HECW1: variants seen among roughly 807,000 people sequenced by gnomAD.
HECW1 encodes E3 ubiquitin-protein ligase HECW1.
In HECW1, 61 loss-of-function variants were observed where a neutral mutation model predicts 182.3. The observed-to-expected ratio is 0.33, with a 90% confidence interval of 0.27 to 0.41. HECW1 has a LOEUF of 0.41. HECW1 is among the 10% of genes least tolerant of loss of function. HECW1 has a pLI of 1.00. For missense variants in HECW1, 1,739 were observed against 2,108.9 expected, an observed-to-expected ratio of 0.82 and a Z score of 3.44; for synonymous variants, 859 against 832.6, an observed-to-expected ratio of 1.03 and a Z score of -0.55.
At chr7:43,328,456 T>C (rs567754672) in intron 5 of HECW1, among the ~76,000 whole-genome samples, 3 of 152,328 alleles carry the variant, frequency 2.0e-5, no homozygotes, top group African/African-American at 7.2e-5. Context: ...CGGTTGCTGC[T>C]GGTCCCTGTC....
Position 43,336,144 on chromosome 7 carries a change from TTCTCTCTCTCTCTCTCTCTC to T in HECW1, c.460+15438_460+15457del, listed in dbSNP as rs768468130. Among the ~76,000 whole-genome samples, 69 of 51,946 alleles carry T rather than the reference TTCTCTCTCTCTCTCTCTCTC, an allele frequency of 1.3e-3. 1 individual carries two copies. Among genetic ancestry groups the T allele is most frequent in the African/African-American group, 4.5e-3 (63 of 14,060 alleles). 34.1% of individuals were successfully genotyped at this position (51,946 alleles called of 152,430 possible). A position where few individuals can be genotyped will look rare whatever the true frequency, so the allele number is the denominator to read the frequency against. On this transcript the variant is annotated intron_variant, in intron 5 of 29. Transcript: ENST00000395891. ...TTTCTTTCTCTCTCTCTCTCTCTCT[TTCTCTCTCTCTCTCTCTCTC>T]TCTCTCTCTCTCTCTCTCTCTCTCT...
chr7:43,230,488 T>G (rs1797786311), intron 2 of HECW1, among the ~76,000 whole-genome samples: 1 of 152,204 alleles, frequency 6.6e-6, no homozygotes, highest in Non-Finnish European at 1.5e-5. Context: ...GATTTTTCTT[T>G]TTCACAAAGG....
rs1182403488 is a variant in HECW1, at chr7:43,565,639, A to G, written c.*3713A>G. ...TCATTATTAAAACTACCGCAATACTATATCATAAAAATCTGGGATGGATGT... is the reference window on the plus strand; with the variant it reads ...TCATTATTAAAACTACCGCAATACTGTATCATAAAAATCTGGGATGGATGT... On this transcript the variant is annotated 3_prime_UTR_variant, in exon 30 of 30. Transcript: ENST00000395891. The G allele has an allele frequency of 5.6e-6, 1 of 177,532 alleles. No homozygotes were observed. The highest frequency in any genetic ancestry group is 1.2e-5 in the Non-Finnish European group (1 of 82,982). 11.0% of individuals were successfully genotyped at this position (177,532 alleles called of 1,614,324 possible).
At chr7:43,360,200 C>T (rs1197734496) in intron 5 of HECW1, among the ~76,000 whole-genome samples, 1 of 150,054 alleles carries the variant, frequency 6.7e-6, no homozygotes, top group Non-Finnish European at 1.5e-5. Flanking sequence ...TCTGCTTAAC[C>T]ATTTATAGAA....
intron 26 of HECW1, among the ~76,000 whole-genome samples, chr7:43,547,494 C>T (rs9639879): frequency 0.19 from 29,290 of 151,748 alleles, 3,155 homozygotes; most frequent in Non-Finnish European, 0.25. Context: ...TTGCAGCAAG[C>T]CAGGATTGCG....
chr7:43,378,996 G>C (rs145661184), intron 6 of HECW1, among the ~76,000 whole-genome samples: 1 of 152,076 alleles, frequency 6.6e-6, no homozygotes, highest in South Asian at 2.1e-4. Context: ...ATGGGGGGGC[G>C]GTGTGCCCTT....
chr7:43,123,927 T>C (rs1785904832), intron 2 of HECW1, among the ~76,000 whole-genome samples: 1 of 152,236 alleles, frequency 6.6e-6, no homozygotes, highest in African/African-American at 2.4e-5. Flanking sequence ...GAGAAAGTGT[T>C]TAATGAACCA....
chr7:43,545,237 T>G (rs1012544465), intron 26 of HECW1, among the ~76,000 whole-genome samples: 1 of 152,198 alleles, frequency 6.6e-6, no homozygotes, highest in African/African-American at 2.4e-5. Context: ...GACTTTTCAT[T>G]TTATGGCCTT....
chr7:43,119,722 C>T (rs1376639821), intron 2 of HECW1, among the ~76,000 whole-genome samples: 1 of 152,044 alleles, frequency 6.6e-6, no homozygotes, highest in Non-Finnish European at 1.5e-5. Flanking sequence ...CTTCTGGTGT[C>T]CTCCATCTCT....
In HECW1 at chr7:43,234,571, C is replaced by G. The variant is rs1798150218; in HGVS notation, c.-31-9304C>G. On this transcript the variant is annotated intron_variant, in intron 2 of 29. Coordinates refer to ENST00000395891, the MANE Select transcript of HECW1 (RefSeq NM_015052.5). ...GAATGGACACTTCCTTTTCTTCCTT[C>G]AGGTCTTTATTCAAAACCTCCTTAT... Among the ~76,000 whole-genome samples, 3 of 152,232 alleles carry G rather than the reference C, an allele frequency of 2.0e-5. No homozygotes were observed. In the East Asian group the frequency reaches 5.8e-4, roughly 29 times the overall value.
At chr7:43,488,394 GGA>G (rs2078753617) in intron 17 of HECW1, among the ~76,000 whole-genome samples, 1 of 71,794 alleles carries the variant, frequency 1.4e-5, no homozygotes, top group Non-Finnish European at 2.8e-5. Context: ...AAGGAAGGAA[GGA>G]AGGAAATGAA....
chr7:43,164,153 G>A (rs930189315), intron 2 of HECW1, among the ~76,000 whole-genome samples: 100 of 152,260 alleles, frequency 6.6e-4, no homozygotes, highest in Middle Eastern at 3.4e-3. Flanking sequence ...CCAGGCTGGG[G>A]AGAGGAATGG....
rs2081662008 is a variant in HECW1 at position 43,548,584 on chromosome 7, T to C, written c.4249-1861T>C. 1.3e-5 allele frequency among the ~76,000 whole-genome samples: 2 copies of C among 152,214 alleles called. 1 individual carries two copies. Among genetic ancestry groups the C allele is most frequent in the Non-Finnish European group, 2.9e-5 (2 of 68,042 alleles). On this transcript the variant is annotated intron_variant, in intron 26 of 29. Transcript: ENST00000395891. ...CGTAGGCTTTAGGATTAGATTCAGC[T>C]ACTAGTGAAGAAGCCAAAAATGACC...
At chr7:43,321,070 T>G (rs564397731) in intron 5 of HECW1, among the ~76,000 whole-genome samples, 23 of 152,328 alleles carry the variant, frequency 1.5e-4, no homozygotes, top group African/African-American at 5.3e-4. Context: ...ATCTCCAATG[T>G]GGCCATAGTT....
chr7:43,149,451 G>C (rs1466236481), intron 2 of HECW1, among the ~76,000 whole-genome samples: 1 of 152,206 alleles, frequency 6.6e-6, no homozygotes, highest in Non-Finnish European at 1.5e-5. Flanking sequence ...ACAAGGAAAG[G>C]CTGAGGAATT....
intron 8 of HECW1, among the ~76,000 whole-genome samples, chr7:43,436,031 G>A (rs577524153): frequency 6.6e-6 from 1 of 152,036 alleles, no homozygotes; most frequent in Admixed American, 6.5e-5. Flanking sequence ...GGACGTGGTG[G>A]CAGATGCCTA....
At chr7:43,135,439 TA>T (rs961507227) in intron 2 of HECW1, among the ~76,000 whole-genome samples, 7 of 152,010 alleles carry the variant, frequency 4.6e-5, no homozygotes, top group Non-Finnish European at 7.4e-5. Context: ...GAGCTAGGGC[TA>T]AAAAAAACAG....
At chr7:43,198,893 C>G (rs1389175872) in intron 2 of HECW1, among the ~76,000 whole-genome samples, 1 of 152,226 alleles carries the variant, frequency 6.6e-6, no homozygotes, top group Non-Finnish European at 1.5e-5. Context: ...AGCACCCTCT[C>G]CAGCGTTCTC....
At chr7:43,170,403 T>C (rs1206653734) in intron 2 of HECW1, among the ~76,000 whole-genome samples, 3 of 152,182 alleles carry the variant, frequency 2.0e-5, no homozygotes, top group Non-Finnish European at 4.4e-5. Context: ...AACAGGTCCG[T>C]GGTCCCAAAA....
Sources: gnomAD v4.1 joint callset for allele counts (sites outside exome capture counted in the v4.1 genomes callset) on GRCh38, gnomAD v4.1.1 for gene constraint, MANE v1.5 for transcripts, NCBI Gene and HGNC (gene_info 2026-07-23, HGNC 2026-07-21) for gene names.